SLC9A6: variants seen among roughly 807,000 people sequenced by gnomAD.
The protein encoded by SLC9A6 is sodium/hydrogen exchanger 6.
In SLC9A6, 6 loss-of-function variants were observed where a neutral mutation model predicts 45.3. The observed-to-expected ratio is 0.13, with a 90% confidence interval of 0.07 to 0.26. The LOEUF (loss-of-function observed/expected upper bound fraction) is 0.26. Among genes scored for constraint, SLC9A6 ranks in the 10% least tolerant of loss-of-function variants. The pLI, the probability that SLC9A6 is intolerant of heterozygous loss-of-function variation, is 1.00. For synonymous variants in SLC9A6, 191 were observed against 187.7 expected (o/e 1.02, Z -0.14); for missense variants, 278 against 503.7 (o/e 0.55, Z 4.29).
chrX:135,985,970 C>T (rs1439307878), intron 2 of SLC9A6, 143 bp downstream of exon 2: 11 of 705,112 alleles, frequency 1.6e-5, no homozygotes, highest in Admixed American at 2.7e-5. Context: ...CTTCCCCCTA[C>T]CCCGCGTTTC....
At chrX:136,002,267 A>G in intron 7 of SLC9A6, 54 bp downstream of exon 7, 1 of 823,275 alleles carries the variant, frequency 1.2e-6, no homozygotes. Context: ...GGGTACTAGG[A>G]ACTGAAAGTC....
In SLC9A6 at chrX:136,034,570, T is replaced by C. The variant is rs372595585; in HGVS notation, c.1661+1077T>C. Reference sequence around the variant, plus strand: ...TATCAGTAAATGATTCAAAACTTGGTTTATGTTCTATTGAAGCAAATTGGA... The same window carrying C: ...TATCAGTAAATGATTCAAAACTTGGCTTATGTTCTATTGAAGCAAATTGGA... On this transcript the variant is annotated intron_variant, in intron 16 of 17. Coordinates refer to ENST00000630721, the MANE Select transcript of SLC9A6 (RefSeq NM_001379110.1). Among the ~76,000 whole-genome samples the C allele has an allele frequency of 6.0e-4, 67 of 112,146 alleles. 7 individuals are homozygous for C. In the East Asian group the frequency reaches 6.7e-3, roughly 11 times the overall value.
intron 3 of SLC9A6, among the ~76,000 whole-genome samples, chrX:135,996,891 C>G (rs111605658): frequency 9.2e-6 from 1 of 109,230 alleles, no homozygotes; most frequent in Non-Finnish European, 1.9e-5. Flanking sequence ...CTCAGCCTCC[C>G]GAGTAGCTGG....
At chrX:136,023,161 A>ATG (rs2071161206) in intron 12 of SLC9A6, among the ~76,000 whole-genome samples, 2 of 46,981 alleles carry the variant, frequency 4.3e-5, no homozygotes, top group Admixed American at 3.1e-4. Flanking sequence ...GAAAAAGAAA[A>ATG]TGTATATATA....
chrX:136,037,816 C>T (rs1323986664), intron 16 of SLC9A6, among the ~76,000 whole-genome samples: 1 of 111,776 alleles, frequency 8.9e-6, no homozygotes, highest in Non-Finnish European at 1.9e-5. Flanking sequence ...GTGATCTGCC[C>T]GCCTCAGCCT....
At chrX:135,981,142 AG>A (rs2148126026), upstream of SLC9A6, among the ~76,000 whole-genome samples, 1 of 111,747 alleles carries the variant, frequency 8.9e-6, no homozygotes, top group African/African-American at 3.3e-5. Context: ...TAATTTATGA[AG>A]AAAAGAGGTT....
chrX:136,034,982 A>G (rs1213602477), intron 16 of SLC9A6, among the ~76,000 whole-genome samples: 2 of 111,468 alleles, frequency 1.8e-5, no homozygotes, highest in Non-Finnish European at 1.9e-5. Context: ...TACATTTTCT[A>G]CATAATATAT....
chrX:136,043,625 A>C (rs2071550228), intron 17 of SLC9A6, among the ~76,000 whole-genome samples: 1 of 112,237 alleles, frequency 8.9e-6, no homozygotes, highest in South Asian at 3.7e-4. Context: ...TCATTTAGAA[A>C]AAATGACTTG....
chrX:136,008,043 A>G (rs782559768), intron 7 of SLC9A6, among the ~76,000 whole-genome samples: 9 of 111,835 alleles, frequency 8.0e-5, no homozygotes, highest in African/African-American at 1.6e-4. Context: ...GTAATAGTCT[A>G]TTTTTAGAAA....
At chrX:136,039,240 C>T (rs782241778) in intron 16 of SLC9A6, among the ~76,000 whole-genome samples, 39 of 107,608 alleles carry the variant, frequency 3.6e-4, no homozygotes, top group Non-Finnish European at 6.7e-4. Flanking sequence ...CATTGTGGCA[C>T]GTACCTGCTA....
At chrX:136,031,120 A>G (rs782445753) in intron 15 of SLC9A6, among the ~76,000 whole-genome samples, 13 of 112,342 alleles carry the variant, frequency 1.2e-4, no homozygotes, top group Non-Finnish European at 2.3e-4. Flanking sequence ...GGCTTGACAT[A>G]CTTGTAAAAA....
chrX:136,017,798 C>G (rs1318876072), intron 11 of SLC9A6, among the ~76,000 whole-genome samples: 1 of 111,705 alleles, frequency 9.0e-6, no homozygotes, highest in South Asian at 3.7e-4. Context: ...GTCAGGAATC[C>G]TGGAGCAGCT....
At chrX:136,009,875 G>A (rs2070885962) in intron 7 of SLC9A6, among the ~76,000 whole-genome samples, 1 of 111,923 alleles carries the variant, frequency 8.9e-6, no homozygotes, top group Non-Finnish European at 1.9e-5. Context: ...GAGGTCTTTC[G>A]AGTGCTTTTT....
intron 2 of SLC9A6, among the ~76,000 whole-genome samples, chrX:135,987,603 A>G (rs1840559401): frequency 9.2e-6 from 1 of 109,195 alleles, no homozygotes; most frequent in Non-Finnish European, 1.9e-5. Context: ...ATGATTGTTG[A>G]TCTTGTGGAT....
chrX:136,001,126 G>C, intron 6 of SLC9A6, among the ~76,000 whole-genome samples: 1 of 110,730 alleles, frequency 9.0e-6, no homozygotes, highest in East Asian at 2.8e-4. Flanking sequence ...ATGAGGTCAG[G>C]AGATTGAGAC....
At position 135,985,575 on chromosome X, in the gene SLC9A6, A is replaced by C. The variant is rs797044619; in HGVS notation, c.-56-28A>C. ...CAGCAGTCCCCGAGCCCGCAGGCTC[A>C]TGCGGCCCCTTTGGTTGCTCCTCGC... On this transcript the variant is annotated intron_variant, in intron 1 of 17. Coordinates refer to ENST00000630721, the MANE Select transcript of SLC9A6 (RefSeq NM_001379110.1). 1 of 1,205,118 alleles carries C rather than the reference A, an allele frequency of 8.3e-7. No homozygotes were observed.
At chrX:136,007,476 G>A (rs2089676137) in intron 7 of SLC9A6, among the ~76,000 whole-genome samples, 1 of 111,371 alleles carries the variant, frequency 9.0e-6, no homozygotes, top group Admixed American at 9.6e-5. Context: ...ATTGAAATTG[G>A]TATTACCTTT....
chrX:135,989,962 A>C (rs2089403590), intron 2 of SLC9A6, among the ~76,000 whole-genome samples: 1 of 110,547 alleles, frequency 9.0e-6, no homozygotes. Context: ...TGTGAAAGAT[A>C]TCTCTTTGTG....
At chrX:136,029,954 G>T in intron 14 of SLC9A6, 178 bp from the exon 15 acceptor site, 1 of 468,790 alleles carries the variant, frequency 2.1e-6, no homozygotes, top group Non-Finnish European at 3.8e-6. Context: ...AATCCAAGCT[G>T]TTGCTAAGGA....
Sources: gnomAD v4.1 joint callset for allele counts (sites outside exome capture counted in the v4.1 genomes callset) on GRCh38, gnomAD v4.1.1 for gene constraint, MANE v1.5 for transcripts, NCBI Gene and HGNC (gene_info 2026-07-23, HGNC 2026-07-21) for gene names.